The following AKR1C8 variants were observed in gnomAD, a reference collection of about 807,000 sequenced individuals.
AKR1C8 encodes the protein aldo-keto reductase family 1 member C-like protein 1.
chr10:5,164,755 G>GA, the AKR1C8 span, among the ~76,000 whole-genome samples: 1 of 152,076 alleles, frequency 6.6e-6, no homozygotes, highest in Non-Finnish European at 1.5e-5. Context: ...ACATGCAGCT[G>GA]AAAAGAGGTC....
chr10:5,139,993 A>T, the AKR1C8 span, among the ~76,000 whole-genome samples: 1 of 152,236 alleles, frequency 6.6e-6, no homozygotes, highest in Admixed American at 6.5e-5. Context: ...AAAGGACATG[A>T]ATAGACACTT....
chr10:5,124,582 TAACAC>T, the AKR1C8 span, among the ~76,000 whole-genome samples: 1 of 151,962 alleles, frequency 6.6e-6, no homozygotes, highest in African/African-American at 2.4e-5. Context: ...AATAAAATAA[TAACAC>T]AATACAAAAA....
the AKR1C8 span, chr10:5,154,568 TCA>T: frequency 1.2e-5 from 2 of 166,810 alleles, no homozygotes; most frequent in African/African-American, 2.4e-5. Context: ...GACAATGCAT[TCA>T]CAGTCTCATA....
chr10:5,156,711 C>G, the AKR1C8 span, among the ~76,000 whole-genome samples: 1 of 152,076 alleles, frequency 6.6e-6, no homozygotes, highest in African/African-American at 2.4e-5. Context: ...ATAAAATGGG[C>G]ATTTTTTGTT....
chr10:5,119,804 T>C, the AKR1C8 span, among the ~76,000 whole-genome samples: 2 of 152,176 alleles, frequency 1.3e-5, no homozygotes, highest in Non-Finnish European at 1.5e-5. Flanking sequence ...ATTAGCAGCA[T>C]TGAAATAGAA....
At chr10:5,119,534 A>C in the AKR1C8 span, among the ~76,000 whole-genome samples, 1 of 152,192 alleles carries the variant, frequency 6.6e-6, no homozygotes, top group Non-Finnish European at 1.5e-5. Context: ...TTTGTTCTCT[A>C]TCTTTTCTAT....
the AKR1C8 span, among the ~76,000 whole-genome samples, chr10:5,140,099 A>G: frequency 6.6e-6 from 1 of 152,198 alleles, no homozygotes; most frequent in Non-Finnish European, 1.5e-5. Context: ...ACAATGAGAT[A>G]CCATCTCACA....
the AKR1C8 span, among the ~76,000 whole-genome samples, chr10:5,149,707 A>C: frequency 6.6e-6 from 1 of 152,234 alleles, no homozygotes; most frequent in East Asian, 1.9e-4. Context: ...TAATCTGTTC[A>C]TTTCTGCAAA....
At chr10:5,182,313 C>T in the AKR1C8 span, among the ~76,000 whole-genome samples, 2 of 152,044 alleles carry the variant, frequency 1.3e-5, no homozygotes, top group African/African-American at 4.8e-5. Context: ...ATATATTTCC[C>T]TTTGAATAAT....
chr10:5,122,196 CT>C, the AKR1C8 span: 3 of 349,008 alleles, frequency 8.6e-6, no homozygotes, highest in Non-Finnish European at 5.9e-6. Flanking sequence ...TCACATTCAC[CT>C]TTCCCAGGAC....
At chr10:5,145,373 G>A in the AKR1C8 span, among the ~76,000 whole-genome samples, 1 of 152,090 alleles carries the variant, frequency 6.6e-6, no homozygotes, top group African/African-American at 2.4e-5. Context: ...AAGAGCTTCT[G>A]CACAGCAAAA....
chr10:5,175,198 T>C, the AKR1C8 span, among the ~76,000 whole-genome samples: 1 of 148,290 alleles, frequency 6.7e-6, no homozygotes, highest in East Asian at 2.0e-4. Flanking sequence ...ATTGTTCAAT[T>C]CCCACCTATG....
chr10:5,132,546 T>G, the AKR1C8 span: 1 of 1,361,892 alleles, frequency 7.3e-7, no homozygotes, highest in Non-Finnish European at 9.7e-7. Flanking sequence ...AGAATTGTCA[T>G]CTCCACACTA....
At chr10:5,178,178 T>C in the AKR1C8 span, among the ~76,000 whole-genome samples, 1 of 152,228 alleles carries the variant, frequency 6.6e-6, no homozygotes, top group Non-Finnish European at 1.5e-5. Flanking sequence ...TGGTATGTTG[T>C]GTCTTTGTTC....
At chr10:5,161,690 C>G in the AKR1C8 span, 9 of 533,018 alleles carry the variant, frequency 1.7e-5, no homozygotes, top group African/African-American at 1.7e-4. Flanking sequence ...GGTAGAGTCA[C>G]TCAATTGTGA....
At chr10:5,137,083 C>T in the AKR1C8 span, among the ~76,000 whole-genome samples, 11 of 152,118 alleles carry the variant, frequency 7.2e-5, no homozygotes, top group African/African-American at 2.7e-4. Context: ...ATATACATAT[C>T]TTAATTTAAA....
the AKR1C8 span, among the ~76,000 whole-genome samples, chr10:5,129,308 C>T: frequency 6.6e-6 from 1 of 151,962 alleles, no homozygotes; most frequent in Non-Finnish European, 1.5e-5. Flanking sequence ...TCATTAAATG[C>T]CTACATCTAA....
At chr10:5,182,629 G>T in the AKR1C8 span, among the ~76,000 whole-genome samples, 2 of 152,126 alleles carry the variant, frequency 1.3e-5, no homozygotes, top group Non-Finnish European at 2.9e-5. Context: ...TTATTGTAAG[G>T]CCAGGTGTGG....
At chr10:5,137,232 G>A in the AKR1C8 span, among the ~76,000 whole-genome samples, 2 of 152,024 alleles carry the variant, frequency 1.3e-5, no homozygotes, top group African/African-American at 4.8e-5. Context: ...AGCTCCCAGC[G>A]TGATTGATGC....
Sources: gnomAD v4.1 joint callset for allele counts (sites outside exome capture counted in the v4.1 genomes callset) on GRCh38, gnomAD v4.1.1 for gene constraint, MANE v1.5 for transcripts, NCBI Gene and HGNC (gene_info 2026-07-23, HGNC 2026-07-21) for gene names.